The following FREM2 variants were observed in gnomAD, a reference collection of about 807,000 sequenced individuals.
FREM2 encodes the protein FRAS1-related extracellular matrix protein 2.
FREM2 carries 119 observed loss-of-function variants against 219.9 expected under a neutral mutation model. The ratio of observed to expected loss-of-function variants is 0.54; its 90% CI spans 0.47 to 0.63. The LOEUF (loss-of-function observed/expected upper bound fraction) is 0.63. Among genes scored for constraint, FREM2 ranks in the 30% least tolerant of loss-of-function variants. The pLI, the probability that FREM2 is intolerant of heterozygous loss-of-function variation, is 0.00. For missense variants in FREM2, 4,030 were observed against 3,993.6 expected, an observed-to-expected ratio of 1.01 and a Z score of -0.25; for synonymous variants, 1,562 against 1,522.8, an observed-to-expected ratio of 1.03 and a Z score of -0.60.
intron 2 of FREM2, among the ~76,000 whole-genome samples, chr13:38,763,934 C>A (rs1366729630): frequency 6.6e-6 from 1 of 152,156 alleles, no homozygotes; most frequent in African/African-American, 2.4e-5. Context: ...CACAAAGGAG[C>A]CTTGCAGCCC....
chr13:38,692,513 A>G lies in FREM2; in HGVS notation c.5169A>G (p.Thr1723=), dbSNP rs1593346535. 6.2e-7 allele frequency: 1 copy of G among 1,609,786 alleles called. No individual in the cohort carries two copies. The highest frequency in any genetic ancestry group is 8.5e-7 in the Non-Finnish European group (1 of 1,179,988). Residue 1723 remains threonine, a synonymous_variant, in exon 1 of 24, where the codon ACA becomes ACG. Transcript: ENST00000280481. The part of the protein sequence containing the change: ...DKGNHSITQF[T]QADIDDMKIC... ...GCAACCACAGCATCACTCAGTTCAC[A>G]CAAGGTATGTTTCATGTTTCTTTTC... is the stretch of plus-strand genomic sequence containing the variant.
intron 6 of FREM2, among the ~76,000 whole-genome samples, chr13:38,800,483 T>A (rs56354536): frequency 2.8e-3 from 424 of 152,256 alleles, no homozygotes; most frequent in African/African-American, 9.6e-3. Flanking sequence ...GGTTTTAGGA[T>A]CCTTTTTTGC....
chr13:38,764,219 T>G, intron 2 of FREM2, 85 bp from the exon 3 acceptor site: 8 of 940,008 alleles, frequency 8.5e-6, no homozygotes, highest in Non-Finnish European at 1.4e-5. Context: ...TTGTTAATGT[T>G]GTTTCATTAA....
chr13:38,758,544 C>T (rs990156079), intron 2 of FREM2, among the ~76,000 whole-genome samples: 1 of 152,180 alleles, frequency 6.6e-6, no homozygotes, highest in Admixed American at 6.5e-5. Flanking sequence ...CAGTTGAATG[C>T]CAGCCCCTGG....
At chr13:38,745,148 A>G (rs1008633645) in intron 2 of FREM2, among the ~76,000 whole-genome samples, 5 of 152,240 alleles carry the variant, frequency 3.3e-5, no homozygotes, top group African/African-American at 9.6e-5. Context: ...TAAGTAGTAT[A>G]TAGAATAGAA....
chr13:38,687,770 C>G lies in FREM2; in HGVS notation c.426C>G (p.Gly142=). The G allele has an allele frequency of 6.5e-7, 1 of 1,538,756 alleles. No homozygotes were observed. The highest frequency in any genetic ancestry group is 8.8e-7 in the Non-Finnish European group (1 of 1,139,282). Residue 142 remains glycine (G), a synonymous_variant, in exon 1 of 24, where the codon GGC becomes GGG. Transcript: ENST00000280481. ...GPGEVRYSHL[G]ARSPSRDRVR... is the part of the protein sequence containing the mutation. ...GCGAGGTGCGCTACTCTCACCTGGGCGCGCGCAGCCCGTCTCGGGACCGCG... is the reference window on the plus strand; with the variant it reads ...GCGAGGTGCGCTACTCTCACCTGGGGGCGCGCAGCCCGTCTCGGGACCGCG...
intron 2 of FREM2, among the ~76,000 whole-genome samples, chr13:38,747,825 A>G (rs1486703298): frequency 6.6e-6 from 1 of 152,190 alleles, no homozygotes; most frequent in Admixed American, 6.5e-5. Context: ...GTATCTGTTT[A>G]TCAGCCTTAA....
At chr13:38,873,826 T>G (rs1040311339) in intron 17 of FREM2, among the ~76,000 whole-genome samples, 10 of 152,220 alleles carry the variant, frequency 6.6e-5, no homozygotes, top group Admixed American at 5.9e-4. Flanking sequence ...TTGTTGTCTT[T>G]TTTTCTCCAT....
chr13:38,794,611 C>T (rs1874695236), intron 6 of FREM2, among the ~76,000 whole-genome samples: 1 of 151,670 alleles, frequency 6.6e-6, no homozygotes, highest in Admixed American at 6.6e-5. Context: ...GCTTCAGTTT[C>T]CATGGGTTTG....
At chr13:38,806,403 A>G (rs554788938) in intron 6 of FREM2, among the ~76,000 whole-genome samples, 47 of 152,026 alleles carry the variant, frequency 3.1e-4, no homozygotes, top group Non-Finnish European at 5.6e-4. Flanking sequence ...TGTCTGTAAT[A>G]CCTCAGAGAT....
intron 15 of FREM2, 83 bp downstream of exon 15, chr13:38,861,645 C>T: frequency 6.8e-7 from 1 of 1,477,338 alleles, no homozygotes; most frequent in Admixed American, 1.7e-5. Context: ...TTCTAAATAA[C>T]CAAGCTTAAA....
At chr13:38,752,280 A>G (rs1005623732) in intron 2 of FREM2, among the ~76,000 whole-genome samples, 14 of 152,254 alleles carry the variant, frequency 9.2e-5, no homozygotes, top group African/African-American at 3.1e-4. Context: ...CACAGGAGCA[A>G]TATCTAAGTA....
intron 2 of FREM2, among the ~76,000 whole-genome samples, chr13:38,761,076 G>A (rs913198871): frequency 5.3e-5 from 8 of 152,148 alleles, no homozygotes; most frequent in South Asian, 2.1e-4. Flanking sequence ...GCTAAGAATT[G>A]TTAAAATTTA....
chr13:38,754,345 A>G (rs1484594922), intron 2 of FREM2, among the ~76,000 whole-genome samples: 2 of 152,214 alleles, frequency 1.3e-5, no homozygotes, highest in East Asian at 3.8e-4. Flanking sequence ...CACTCGGATG[A>G]CAGTTTTGCT....
chr13:38,778,844 A>G (rs903998182), intron 4 of FREM2, among the ~76,000 whole-genome samples: 1 of 152,190 alleles, frequency 6.6e-6, no homozygotes, highest in African/African-American at 2.4e-5. Flanking sequence ...AATATTTCAT[A>G]CTAATGCCAC....
chr13:38,689,494 A>G lies in FREM2; in HGVS notation c.2150A>G (p.Gln717Arg), dbSNP rs1322333546. ...CTTCGTATGGTGGTACAGGAATCCC[A>G]GCTCACACCACTGAGGAAGAAGTGG... ...CPLRMVVQES[Q>R]LTPLRKKWLR... Residue 717 changes from glutamine to arginine, a missense_variant, in exon 1 of 24, where the codon CAG becomes CGG. Around this residue, in one of 2 missense-constraint regions of FREM2, gnomAD observed 3,102 missense variants for 2,950.7 expected, o/e 1.05. Transcript: ENST00000280481. 1.9e-6 allele frequency: 3 copies of G among 1,613,978 alleles called. No individual in the cohort carries two copies. In the East Asian group the frequency reaches 6.7e-5, roughly 36 times the overall value.
At position 38,689,989 on chromosome 13, in the gene FREM2, A is replaced by G; in HGVS notation, c.2645A>G (p.Gln882Arg). The G allele has an allele frequency of 1.9e-6, 3 of 1,614,126 alleles. No individual in the cohort carries two copies. Among genetic ancestry groups the G allele is most frequent in the African/African-American group, 1.3e-5 (1 of 75,054 alleles). ...PKHGHMRVSG[Q>R]ILHVGGLFHL... is the part of the protein sequence containing the mutation. ...CATGGCCACATGAGAGTGTCTGGAC[A>G]GATCCTGCATGTAGGGGGTCTCTTC... The change falls in exon 1 of 24, where the codon CAG becomes CGG. Residue 882 changes from glutamine to arginine, a missense_variant. This residue lies in a region of FREM2 where 3,102 missense variants were observed against 2,950.7 expected (regional missense o/e 1.05). Coordinates refer to ENST00000280481, the MANE Select transcript of FREM2 (RefSeq NM_207361.6).
intron 16 of FREM2, among the ~76,000 whole-genome samples, chr13:38,869,485 T>A (rs1470530223): frequency 1.3e-5 from 2 of 152,176 alleles, no homozygotes; most frequent in East Asian, 3.8e-4. Flanking sequence ...CAAGTACTCA[T>A]GAGGACACCA....
chr13:38,860,663 T>C (rs1230684311), intron 14 of FREM2, among the ~76,000 whole-genome samples: 2 of 152,216 alleles, frequency 1.3e-5, no homozygotes, highest in Non-Finnish European at 2.9e-5. Flanking sequence ...TTTATACAAA[T>C]AGATAAGTAA....
Sources: allele counts gnomAD v4.1 joint callset (sites outside exome capture counted in the v4.1 genomes callset), GRCh38; gene constraint gnomAD v4.1.1; regional missense constraint gnomAD v4.1.1; transcripts MANE v1.5; gene names NCBI Gene and HGNC (gene_info 2026-07-23, HGNC 2026-07-21).